Variants in PRKN observed in about 807,000 individuals in gnomAD.
PRKN encodes E3 ubiquitin-protein ligase parkin.
Under a neutral mutation model 59.5 loss-of-function variants are expected in PRKN, and 56 were observed. The observed-to-expected ratio is 0.94, with a 90% CI of 0.76 to 1.18. The LOEUF is 1.18. Ranked by LOEUF, PRKN falls within the 50% of genes most tolerant of loss-of-function variation. PRKN has a pLI of 0.00. For synonymous variants in PRKN, 250 were observed against 222.1 expected (o/e 1.13, Z -1.12); for missense variants, 657 against 596.4 (o/e 1.10, Z -1.06).
At chr6:162,254,321 G>A (rs1223895565) in intron 3 of PRKN, among the ~76,000 whole-genome samples, 2 of 152,120 alleles carry the variant, frequency 1.3e-5, no homozygotes, top group Admixed American at 1.3e-4. Context: ...GCTGGGCATG[G>A]TGGTGGGTGC....
Position 161,489,208 on chromosome 6 carries a change from A to G in PRKN, c.1083+59646T>C, listed in dbSNP as rs201285512. Among the ~76,000 whole-genome samples the G allele has an allele frequency of 2.9e-4, 44 of 151,060 alleles. No homozygotes were observed. In the South Asian group the frequency reaches 8.9e-3, roughly 30 times the overall value. On this transcript the variant is annotated intron_variant, in intron 9 of 11. Transcript: ENST00000366898. ...CATTTTGTATTTTAGTTGCCTTGTC[A>G]GTTAAGTGATTACATTCATACTGGA...
chr6:161,637,831 T>C (rs993511005), intron 7 of PRKN, among the ~76,000 whole-genome samples: 2 of 152,148 alleles, frequency 1.3e-5, no homozygotes, highest in Non-Finnish European at 2.9e-5. Flanking sequence ...GCTGTTGACC[T>C]AGAGGCAAAA....
chr6:161,855,867 A>G (rs957527539), intron 6 of PRKN, among the ~76,000 whole-genome samples: 8 of 152,204 alleles, frequency 5.3e-5, no homozygotes, highest in Non-Finnish European at 8.8e-5. Context: ...CTAACATAAG[A>G]AAGTGTACAG....
chr6:161,385,494 A>G lies in PRKN; in HGVS notation c.1167+1300T>C, dbSNP rs1320125684. ...ATGGTTCCTCTTGACTGAAGAATGA[A>G]TGGGATTAGAGGGAGGGTCAGGCGC... On this transcript the variant is annotated intron_variant, in intron 10 of 11. Transcript: ENST00000366898. This position sits in a 1 kb window ranked among gnomAD's most constrained non-coding sequence, Gnocchi z 4.9. Among the ~76,000 whole-genome samples the G allele has an allele frequency of 6.6e-6, 1 of 152,146 alleles. No individual in the cohort carries two copies. Among genetic ancestry groups the G allele is most frequent in the Non-Finnish European group, 1.5e-5 (1 of 68,038 alleles).
chr6:162,686,581 A>C (rs1274226093), intron 1 of PRKN, among the ~76,000 whole-genome samples: 1 of 152,182 alleles, frequency 6.6e-6, no homozygotes, highest in East Asian at 1.9e-4. Context: ...ACTAATAAAT[A>C]ATCAGAATAA....
intron 4 of PRKN, among the ~76,000 whole-genome samples, chr6:162,101,743 T>C (rs112760505): frequency 6.6e-6 from 1 of 152,162 alleles, no homozygotes; most frequent in South Asian, 2.1e-4. Flanking sequence ...TAACTCTCTA[T>C]ATCTCTAGAG....
chr6:161,542,903 A>C (rs1219443027), intron 9 of PRKN, among the ~76,000 whole-genome samples: 3 of 152,228 alleles, frequency 2.0e-5, no homozygotes, highest in Non-Finnish European at 2.9e-5. Flanking sequence ...GTCTTAAAAA[A>C]ACTCAATATG....
chr6:162,713,037 G>A (rs560517238), intron 1 of PRKN, among the ~76,000 whole-genome samples: 3 of 152,250 alleles, frequency 2.0e-5, no homozygotes, highest in East Asian at 1.9e-4. Context: ...TAGTTTGAAC[G>A]GAAGGGTGAT....
chr6:162,605,683 G>A (rs1781884761), intron 1 of PRKN, among the ~76,000 whole-genome samples: 1 of 152,134 alleles, frequency 6.6e-6, no homozygotes, highest in African/African-American at 2.4e-5. Flanking sequence ...AGACATATAT[G>A]TGAAGTACTA....
rs903994346 is a variant in PRKN at position 161,415,629 on chromosome 6, C to A, written c.1084-28752G>T. Among the ~76,000 whole-genome samples, 9 of 147,252 alleles carry A rather than the reference C, an allele frequency of 6.1e-5. No homozygotes were observed. In the East Asian group the frequency reaches 1.1e-3, roughly 18 times the overall value. Reference sequence around the variant, plus strand: ...CCCCGACCCCCCGCCAGCCCCCGACCGCCCGGAACTAAGCCACAGCCACCT... The same window carrying A: ...CCCCGACCCCCCGCCAGCCCCCGACAGCCCGGAACTAAGCCACAGCCACCT... On this transcript the variant is annotated intron_variant, in intron 9 of 11. Coordinates refer to ENST00000366898, the MANE Select transcript of PRKN (RefSeq NM_004562.3).
At chr6:162,147,293 A>G (rs1381908937) in intron 4 of PRKN, among the ~76,000 whole-genome samples, 1 of 148,402 alleles carries the variant, frequency 6.7e-6, no homozygotes, top group African/African-American at 2.5e-5. Context: ...CAGTGAGCCA[A>G]GATTGTGCCA....
intron 1 of PRKN, among the ~76,000 whole-genome samples, chr6:162,617,421 A>T (rs544098828): frequency 1.3e-5 from 2 of 152,042 alleles, no homozygotes; most frequent in South Asian, 4.1e-4. Flanking sequence ...TGGTAGAGAC[A>T]GGGTTTCACC....
At chr6:162,130,629 C>T (rs1248145073) in intron 4 of PRKN, among the ~76,000 whole-genome samples, 2 of 152,084 alleles carry the variant, frequency 1.3e-5, no homozygotes, top group Non-Finnish European at 2.9e-5. Context: ...TAGATAGTAG[C>T]AGTAGGAAAT....
chr6:162,023,752 C>A (rs1276350328), intron 5 of PRKN, among the ~76,000 whole-genome samples: 1 of 152,252 alleles, frequency 6.6e-6, no homozygotes, highest in South Asian at 2.1e-4. Flanking sequence ...CCTGTCTTCA[C>A]CTAGGTCCAT....
At chr6:161,625,706 C>T (rs906982125) in intron 7 of PRKN, among the ~76,000 whole-genome samples, 2 of 152,164 alleles carry the variant, frequency 1.3e-5, no homozygotes, top group Non-Finnish European at 2.9e-5. Flanking sequence ...ATCTAACACT[C>T]GTGCTAAGAT....
intron 2 of PRKN, among the ~76,000 whole-genome samples, chr6:162,330,115 C>G (rs1264355130): frequency 6.6e-6 from 1 of 152,170 alleles, no homozygotes; most frequent in East Asian, 1.9e-4. Flanking sequence ...CAAGTTCTGT[C>G]CTCTGGTGTC....
At chr6:162,205,737 TAC>T (rs948875876) in intron 3 of PRKN, among the ~76,000 whole-genome samples, 2 of 142,004 alleles carry the variant, frequency 1.4e-5, no homozygotes, top group Non-Finnish European at 1.6e-5. Flanking sequence ...TATTAATATA[TAC>T]ACACACAGAC....
At chr6:161,658,100 A>C (rs1354154047) in intron 7 of PRKN, among the ~76,000 whole-genome samples, 1 of 151,986 alleles carries the variant, frequency 6.6e-6, no homozygotes, top group East Asian at 1.9e-4. Flanking sequence ...TGTCACACAA[A>C]TTTCAGCCAC....
chr6:162,380,967 G>A (rs1050384748), intron 2 of PRKN, among the ~76,000 whole-genome samples: 7 of 152,114 alleles, frequency 4.6e-5, no homozygotes, highest in Non-Finnish European at 8.8e-5. Context: ...AGTGGCCGCC[G>A]TGGTCCAGAT....
Sources: gnomAD v4.1 joint callset for allele counts (sites outside exome capture counted in the v4.1 genomes callset) on GRCh38, gnomAD v4.1.1 for gene constraint, Gnocchi (gnomAD v3.1) non-coding constraint, MANE v1.5 for transcripts, NCBI Gene and HGNC (gene_info 2026-07-23, HGNC 2026-07-21) for gene names.